Variants in B9D1 observed in about 807,000 individuals in gnomAD.
B9D1 encodes B9 domain containing 1.
In B9D1, 20 loss-of-function variants were observed where a neutral mutation model predicts 26.1. The observed-to-expected ratio is 0.77, with a 90% CI of 0.54 to 1.12. B9D1 has a LOEUF of 1.12. B9D1 is among the 50% of genes most tolerant of loss of function. The pLI is 0.00. For missense variants in B9D1, 260 were observed against 273.7 expected (o/e 0.95, Z 0.35); for synonymous variants, 105 against 103.1 (o/e 1.02, Z -0.11).
chr17:19,344,463 T>C (rs1472786366), intron 5 of B9D1: 3 of 261,154 alleles, frequency 1.1e-5, no homozygotes, highest in Admixed American at 1.1e-4. Flanking sequence ...CAGACCCCAG[T>C]TGGGCCAGGC....
At chr17:19,374,782 T>C (rs1445119601) in intron 1 of B9D1, among the ~76,000 whole-genome samples, 1 of 152,092 alleles carries the variant, frequency 6.6e-6, no homozygotes, top group African/African-American at 2.4e-5. Flanking sequence ...TTCATCAAAA[T>C]TAAAAACTTT....
chr17:19,358,746 G>C (rs1242668623), intron 2 of B9D1, among the ~76,000 whole-genome samples: 1 of 152,134 alleles, frequency 6.6e-6, no homozygotes, highest in East Asian at 1.9e-4. Flanking sequence ...CCTGTACTTG[G>C]TGATCTCATC....
chr17:19,363,260 C>T (rs1188524525), upstream of B9D1, among the ~76,000 whole-genome samples: 2 of 152,226 alleles, frequency 1.3e-5, no homozygotes, highest in African/African-American at 2.4e-5. Flanking sequence ...AGAATCCTTA[C>T]ATCCAAGCCA....
At chr17:19,346,872 A>G (rs2152259901) in intron 5 of B9D1, 1 of 1,388,464 alleles carries the variant, frequency 7.2e-7, no homozygotes, top group Non-Finnish European at 9.4e-7. Context: ...CGCAAATGTC[A>G]GCTCCGGCCA....
downstream of B9D1, chr17:19,335,478 T>A: frequency 6.5e-7 from 1 of 1,549,336 alleles, no homozygotes; most frequent in Non-Finnish European, 8.7e-7. Flanking sequence ...ACCTTGTGTG[T>A]CTGTGATCTC....
At chr17:19,377,878 G>A in exon 1 of B9D1, 5 of 985,398 alleles carry the variant, frequency 5.1e-6, no homozygotes, top group Non-Finnish European at 6.0e-6. Context: ...AGGAAACCGC[G>A]AGCTGCAGTC....
intron 5 of B9D1, among the ~76,000 whole-genome samples, chr17:19,345,252 C>G (rs543701167): frequency 2.0e-5 from 3 of 152,126 alleles, no homozygotes; most frequent in Non-Finnish European, 1.5e-5. Flanking sequence ...AGGCAGGGCC[C>G]GACCACCGGC....
chr17:19,337,461 C>T, downstream of B9D1: 2 of 465,278 alleles, frequency 4.3e-6, no homozygotes, highest in Non-Finnish European at 7.9e-6. Flanking sequence ...GCCCTGCAGC[C>T]CTCTGCTCTC....
chr17:19,335,433 T>G, downstream of B9D1: 1 of 1,550,258 alleles, frequency 6.5e-7, no homozygotes. Flanking sequence ...GACTTCTGTT[T>G]ACAATGGAAA....
At chr17:19,341,164 G>A (rs911082624), downstream of B9D1, 4 of 1,230,988 alleles carry the variant, frequency 3.2e-6, no homozygotes, top group Non-Finnish European at 4.1e-6. Context: ...GTATTTCCCA[G>A]CTGCTGACAG....
downstream of B9D1, chr17:19,337,622 T>C: frequency 8.4e-7 from 1 of 1,190,378 alleles, no homozygotes; most frequent in Non-Finnish European, 1.2e-6. Context: ...TTGGTTACGC[T>C]GCAGTAACAC....
At chr17:19,335,350 A>T, downstream of B9D1, 2 of 1,513,882 alleles carry the variant, frequency 1.3e-6, no homozygotes, top group Non-Finnish European at 1.8e-6. Context: ...AAAAAATCTA[A>T]TGTATGAATG....
chr17:19,361,999 G>A (rs1911136848), intron 1 of B9D1, among the ~76,000 whole-genome samples: 2 of 152,202 alleles, frequency 1.3e-5, no homozygotes, highest in South Asian at 4.1e-4. Flanking sequence ...CCTCTAAAGT[G>A]TAGGGGGATG....
At chr17:19,344,490 G>C in intron 5 of B9D1, 1 of 278,190 alleles carries the variant, frequency 3.6e-6, no homozygotes, top group Non-Finnish European at 7.4e-6. Flanking sequence ...CCAGGAGGCC[G>C]GGGGTGTCAG....
intron 3 of B9D1, among the ~76,000 whole-genome samples, chr17:19,350,451 C>A (rs905494961): frequency 3.3e-5 from 5 of 150,498 alleles, no homozygotes; most frequent in African/African-American, 9.8e-5. Context: ...GAGGCTGAGG[C>A]AGAATTGCTT....
chr17:19,363,519 C>G (rs1911390609), upstream of B9D1: 1 of 152,286 alleles, frequency 6.6e-6, no homozygotes, highest in African/African-American at 2.4e-5. Flanking sequence ...AGGTAAGTAG[C>G]TAAGTCAGGA....
chr17:19,344,837 C>G (rs1400780334), intron 5 of B9D1, among the ~76,000 whole-genome samples: 1 of 152,248 alleles, frequency 6.6e-6, no homozygotes, highest in Non-Finnish European at 1.5e-5. Context: ...GGGAGCACTG[C>G]CCACCAGCCC....
intron 1 of B9D1, among the ~76,000 whole-genome samples, chr17:19,373,386 CTTTT>C (rs1462764244): frequency 6.6e-6 from 1 of 151,342 alleles, no homozygotes; most frequent in Admixed American, 6.6e-5. Context: ...TTATATACCT[CTTTT>C]TTTTACTTTT....
Position 19,343,421 on chromosome 17 carries a change from G to A in B9D1, c.513C>T (p.Phe171=), listed in dbSNP as rs1908228821. 2 of 1,614,070 alleles carry A rather than the reference G, an allele frequency of 1.2e-6. No individual in the cohort carries two copies. The highest frequency in any genetic ancestry group is 2.7e-5 in the African/African-American group (2 of 74,930). ...VRSQGFVTLL[F]NVVTKDMRKL... is the part of the protein sequence containing the mutation. The stretch of plus-strand genomic sequence containing the variant: ...TCCTCATGTCCTTGGTCACCACGTT[G>A]AAGAGGAGGGTGACAAAGCCCTGAG... The change falls in exon 7 of 7, where the codon TTC becomes TTT. Residue 171 remains phenylalanine (F), a synonymous_variant. Transcript: ENST00000261499.
Sources: gnomAD v4.1 joint callset for allele counts (sites outside exome capture counted in the v4.1 genomes callset) on GRCh38, gnomAD v4.1.1 for gene constraint, MANE v1.5 for transcripts, NCBI Gene and HGNC (gene_info 2026-07-23, HGNC 2026-07-21) for gene names.